OCA2: variants seen among roughly 807,000 people sequenced by gnomAD.
The protein encoded by OCA2 is OCA2 melanosomal transmembrane protein, also known as P protein.
OCA2 carries 77 observed loss-of-function variants against 100.2 expected under a neutral mutation model. The observed-to-expected ratio is 0.77, with a 90% CI of 0.64 to 0.93. The LOEUF is 0.93. Ranked by LOEUF, OCA2 falls within the 40% of genes least tolerant of loss-of-function variation. The pLI is 0.00. For synonymous variants in OCA2, 432 were observed against 439.2 expected (o/e 0.98, Z 0.21); for missense variants, 1,062 against 1,089.1 (o/e 0.98, Z 0.35).
chr15:28,067,840 A>G (rs1691738346), intron 2 of OCA2, among the ~76,000 whole-genome samples: 1 of 152,120 alleles, frequency 6.6e-6, no homozygotes, highest in South Asian at 2.1e-4. Context: ...GCAGATGTCT[A>G]TTAGGTCCAA....
the OCA2 span, among the ~76,000 whole-genome samples, chr15:27,739,149 G>A: frequency 6.6e-6 from 1 of 152,066 alleles, no homozygotes; most frequent in South Asian, 2.1e-4. Context: ...AGATACCTTC[G>A]TGATGAAAAA....
At chr15:27,804,909 G>A (rs576923834) in intron 23 of OCA2, among the ~76,000 whole-genome samples, 5 of 152,224 alleles carry the variant, frequency 3.3e-5, no homozygotes, top group Non-Finnish European at 7.3e-5. Context: ...TCTCAGCACC[G>A]GGCAGACACA....
chr15:27,949,662 C>CA lies in OCA2; in HGVS notation c.1951+2121dup, dbSNP rs1408128490. On this transcript the variant is annotated intron_variant, in intron 18 of 23. Coordinates refer to ENST00000354638, the MANE Select transcript of OCA2 (RefSeq NM_000275.3). ...TGAGCAACAGAGTGAGACTCTGTCT[C>CA]AAAAAAATTTAAAAAAACACTGTTA... 7.3e-5 allele frequency among the ~76,000 whole-genome samples: 11 copies of CA among 151,674 alleles called. No individual in the cohort carries two copies. The South Asian group carries it at 1.9e-3, about 26-fold the overall frequency.
At chr15:28,066,573 T>C (rs920725524) in intron 2 of OCA2, among the ~76,000 whole-genome samples, 1 of 152,138 alleles carries the variant, frequency 6.6e-6, no homozygotes, top group Non-Finnish European at 1.5e-5. Flanking sequence ...TAATATAGCA[T>C]CACATGACAG....
chr15:27,943,242 C>A (rs2039712415), intron 18 of OCA2, among the ~76,000 whole-genome samples: 1 of 152,102 alleles, frequency 6.6e-6, no homozygotes, highest in African/African-American at 2.4e-5. Context: ...CTCACTGTAC[C>A]CCACTCCCTT....
chr15:28,008,583 T>C (rs550201162), intron 9 of OCA2, among the ~76,000 whole-genome samples: 30 of 152,302 alleles, frequency 2.0e-4, no homozygotes, highest in African/African-American at 6.0e-4. Context: ...AGTAGTAAGG[T>C]GGACACGTCA....
chr15:27,751,712 A>G (rs546220746), downstream of OCA2, among the ~76,000 whole-genome samples: 125 of 152,296 alleles, frequency 8.2e-4, no homozygotes, highest in African/African-American at 2.9e-3. Flanking sequence ...GGGCAGACAC[A>G]CACACTGTAG....
chr15:28,058,691 T>G (rs1333907103), intron 2 of OCA2, among the ~76,000 whole-genome samples: 12 of 152,214 alleles, frequency 7.9e-5, no homozygotes, highest in Admixed American at 7.2e-4. Context: ...TGCTCTTTTG[T>G]ATAAATAGTA....
At chr15:28,045,289 AC>A (rs1369127862) in intron 2 of OCA2, among the ~76,000 whole-genome samples, 1 of 152,258 alleles carries the variant, frequency 6.6e-6, no homozygotes, top group Non-Finnish European at 1.5e-5. Flanking sequence ...TAGAGAGCAT[AC>A]AATAGGAATA....
chr15:28,001,596 G>C (rs1474679658), intron 9 of OCA2, among the ~76,000 whole-genome samples: 2 of 152,150 alleles, frequency 1.3e-5, no homozygotes, highest in Non-Finnish European at 2.9e-5. Context: ...TTCTTTCCTT[G>C]TGTGTCTGTG....
intron 6 of OCA2, among the ~76,000 whole-genome samples, chr15:28,020,926 G>A (rs529855960): frequency 7.9e-5 from 12 of 152,142 alleles, no homozygotes; most frequent in Non-Finnish European, 1.2e-4. Context: ...TAGGTCACTG[G>A]CTAAGGAGAG....
At chr15:28,024,390 G>A (rs2042685204) in intron 5 of OCA2, among the ~76,000 whole-genome samples, 1 of 152,236 alleles carries the variant, frequency 6.6e-6, no homozygotes, top group South Asian at 2.1e-4. Flanking sequence ...CCTCCCCAGA[G>A]GGGGCAAACC....
chr15:28,015,296 A>G (rs2042355522), intron 8 of OCA2, among the ~76,000 whole-genome samples: 1 of 152,174 alleles, frequency 6.6e-6, no homozygotes, highest in Non-Finnish European at 1.5e-5. Context: ...CCAGTCCCTG[A>G]GAGTGGGGAG....
intron 23 of OCA2, among the ~76,000 whole-genome samples, chr15:27,759,032 T>C (rs2030621810): frequency 1.3e-5 from 2 of 151,962 alleles, no homozygotes; most frequent in Admixed American, 6.6e-5. Context: ...ATCAAACTCG[T>C]GAAAACTAAA....
At chr15:27,925,140 T>C (rs997168813) in intron 19 of OCA2, among the ~76,000 whole-genome samples, 1 of 152,174 alleles carries the variant, frequency 6.6e-6, no homozygotes, top group African/African-American at 2.4e-5. Flanking sequence ...ACAAAATAGT[T>C]GAAGACTGCA....
chr15:28,086,144 C>T (rs1179115555), intron 1 of OCA2, among the ~76,000 whole-genome samples: 1 of 152,244 alleles, frequency 6.6e-6, no homozygotes, highest in Non-Finnish European at 1.5e-5. Flanking sequence ...AAGTGGGGAC[C>T]ACCATGTGAG....
chr15:28,082,471 C>T (rs985018931), intron 1 of OCA2, among the ~76,000 whole-genome samples: 7 of 152,168 alleles, frequency 4.6e-5, no homozygotes, highest in African/African-American at 1.4e-4. Context: ...CCAGAAGGAA[C>T]CAACTCCGGA....
chr15:27,748,814 C>G, the OCA2 span, among the ~76,000 whole-genome samples: 1 of 151,930 alleles, frequency 6.6e-6, no homozygotes, highest in East Asian at 1.9e-4. Flanking sequence ...AAACTAAACA[C>G]TGAAAAATAT....
At chr15:28,057,700 C>T (rs1455444270) in intron 2 of OCA2, among the ~76,000 whole-genome samples, 1 of 152,220 alleles carries the variant, frequency 6.6e-6, no homozygotes, top group African/African-American at 2.4e-5. Flanking sequence ...GAACAAGACA[C>T]ACTCCCTGCT....
Sources: allele counts gnomAD v4.1 joint callset (sites outside exome capture counted in the v4.1 genomes callset), GRCh38; gene constraint gnomAD v4.1.1; transcripts MANE v1.5; gene names NCBI Gene and HGNC (gene_info 2026-07-23, HGNC 2026-07-21).